RBFOX1: variants seen among roughly 807,000 people sequenced by gnomAD.
RBFOX1 encodes the protein RNA binding protein fox-1 homolog 1.
A neutral mutation model predicts 57.7 loss-of-function variants in RBFOX1; 8 were observed. That is an observed-to-expected ratio of 0.14 (90% CI 0.08 to 0.25). RBFOX1 has a LOEUF of 0.25. Among genes scored for constraint, RBFOX1 ranks in the 10% least tolerant of loss-of-function variants. The pLI is 1.00. For synonymous variants in RBFOX1, 326 were observed against 222.4 expected, an observed-to-expected ratio of 1.47 and a Z score of -4.15; for missense variants, 611 against 548.5, an observed-to-expected ratio of 1.11 and a Z score of -1.14.
intron 3 of RBFOX1, among the ~76,000 whole-genome samples, chr16:6,959,265 C>T (rs1475948780): frequency 1.3e-5 from 2 of 152,084 alleles, no homozygotes; most frequent in Non-Finnish European, 2.9e-5. Flanking sequence ...TTTGTGAGGC[C>T]ATGTTTATGT....
chr16:5,938,004 A>G (rs957585214), intron 4 of RBFOX1, among the ~76,000 whole-genome samples: 3 of 152,152 alleles, frequency 2.0e-5, no homozygotes, highest in East Asian at 3.9e-4. Flanking sequence ...AATCACATTT[A>G]ATTTTTGGGT....
exon 3 of RBFOX1, chr16:5,598,912 C>T (rs946290943): frequency 2.0e-6 from 3 of 1,524,024 alleles, no homozygotes; most frequent in Non-Finnish European, 2.6e-6. Context: ...GACTACAAGT[C>T]TGAAAATTCA....
At chr16:5,370,118 C>T (rs2065820026) in intron 1 of RBFOX1, among the ~76,000 whole-genome samples, 1 of 152,138 alleles carries the variant, frequency 6.6e-6, no homozygotes, top group Non-Finnish European at 1.5e-5. Context: ...ACAGAAATAC[C>T]TGCTCTTGTG....
chr16:5,993,427 CAG>C (rs1194589498), intron 4 of RBFOX1, among the ~76,000 whole-genome samples: 6 of 129,596 alleles, frequency 4.6e-5, no homozygotes, highest in Admixed American at 2.3e-4. Context: ...GAGAAGGAGA[CAG>C]AGAGAGACAG....
chr16:7,703,597 A>T (rs1425103633), intron 14 of RBFOX1, among the ~76,000 whole-genome samples: 1 of 152,094 alleles, frequency 6.6e-6, no homozygotes, highest in East Asian at 1.9e-4. Context: ...TTATGTTAAA[A>T]CCCTGGTGTG....
intron 3 of RBFOX1, among the ~76,000 whole-genome samples, chr16:7,042,156 G>C (rs1239137350): frequency 6.6e-6 from 1 of 152,176 alleles, no homozygotes; most frequent in Non-Finnish European, 1.5e-5. Context: ...GTGTTTTATG[G>C]AACTAGACAA....
intron 1 of RBFOX1, among the ~76,000 whole-genome samples, chr16:5,345,160 G>A (rs1403903721): frequency 2.0e-5 from 3 of 152,018 alleles, no homozygotes; most frequent in African/African-American, 7.3e-5. Flanking sequence ...TCCTTGAAGC[G>A]AGAGGCAGGG....
chr16:5,397,918 A>G (rs78691498), intron 1 of RBFOX1, among the ~76,000 whole-genome samples: 3,501 of 152,316 alleles, frequency 0.023, 136 homozygotes, highest in African/African-American at 0.079. Flanking sequence ...TGGTAACACT[A>G]TGTGCCACGT....
chr16:7,560,173 A>C (rs2089968794), intron 5 of RBFOX1, among the ~76,000 whole-genome samples: 1 of 152,206 alleles, frequency 6.6e-6, no homozygotes, highest in Non-Finnish European at 1.5e-5. Flanking sequence ...CTACATCTCC[A>C]ACCAGAGGCA....
At chr16:5,410,359 G>T in intron 1 of RBFOX1, among the ~76,000 whole-genome samples, 1 of 130,898 alleles carries the variant, frequency 7.6e-6, no homozygotes. Flanking sequence ...GTGACAGAAT[G>T]AGACCCTGTC....
chr16:6,041,110 C>G (rs2095431741), intron 1 of RBFOX1, among the ~76,000 whole-genome samples: 1 of 152,172 alleles, frequency 6.6e-6, no homozygotes. Flanking sequence ...ACTTATTCTT[C>G]CCTCCCTGCT....
chr16:7,107,033 GC>G (rs1351946457), intron 4 of RBFOX1, among the ~76,000 whole-genome samples: 22 of 146,968 alleles, frequency 1.5e-4, no homozygotes, highest in Admixed American at 1.2e-3. Flanking sequence ...CATAATTGCA[GC>G]CTGTGGTAAG....
intron 3 of RBFOX1, among the ~76,000 whole-genome samples, chr16:6,786,373 C>G (rs1160092584): frequency 6.6e-6 from 1 of 152,118 alleles, no homozygotes; most frequent in African/African-American, 2.4e-5. Context: ...TTGTCCCAGA[C>G]AGCATTATTC....
At chr16:7,303,497 T>C (rs2142095665) in intron 4 of RBFOX1, among the ~76,000 whole-genome samples, 1 of 152,294 alleles carries the variant, frequency 6.6e-6, no homozygotes, top group East Asian at 1.9e-4. Flanking sequence ...CGCGGGGCGC[T>C]CGCTCGCCTG....
chr16:6,869,420 C>T (rs968505528), intron 3 of RBFOX1, among the ~76,000 whole-genome samples: 5 of 151,786 alleles, frequency 3.3e-5, no homozygotes, highest in South Asian at 2.1e-4. Context: ...TGTTATTAAC[C>T]ACTGTGGTAT....
chr16:7,685,359 C>A (rs535944980), intron 14 of RBFOX1, among the ~76,000 whole-genome samples: 1 of 152,134 alleles, frequency 6.6e-6, no homozygotes, highest in Non-Finnish European at 1.5e-5. Flanking sequence ...TCTTCCCTCT[C>A]CTGGCCCAGG....
intron 3 of RBFOX1, among the ~76,000 whole-genome samples, chr16:6,948,734 AATGTTC>A (rs1240648071): frequency 6.6e-6 from 1 of 152,080 alleles, no homozygotes; most frequent in Non-Finnish European, 1.5e-5. Context: ...TATGTTTTGA[AATGTTC>A]ACTACTCCAT....
intron 4 of RBFOX1, among the ~76,000 whole-genome samples, chr16:7,057,281 T>C (rs971478734): frequency 6.6e-6 from 1 of 152,124 alleles, no homozygotes; most frequent in Admixed American, 6.5e-5. Context: ...ATGCAAACAA[T>C]AGAGACAGAT....
intron 4 of RBFOX1, among the ~76,000 whole-genome samples, chr16:7,409,812 A>G (rs2098404538): frequency 6.6e-6 from 1 of 152,312 alleles, no homozygotes; most frequent in South Asian, 2.1e-4. Context: ...AGGAGCTGTG[A>G]AATTTCTCTT....
Sources: gnomAD v4.1 joint callset for allele counts (sites outside exome capture counted in the v4.1 genomes callset) on GRCh38, gnomAD v4.1.1 for gene constraint, MANE v1.5 for transcripts, NCBI Gene and HGNC (gene_info 2026-07-23, HGNC 2026-07-21) for gene names.